Variants in SRGAP3 observed in about 807,000 individuals in gnomAD.
The protein encoded by SRGAP3 is SLIT-ROBO Rho GTPase activating protein 3.
A neutral mutation model predicts 121.1 loss-of-function variants in SRGAP3; 39 were observed. The observed-to-expected ratio is 0.32, with a 90% CI of 0.25 to 0.42. The LOEUF (loss-of-function observed/expected upper bound fraction) is 0.42. Ranked by LOEUF, SRGAP3 falls within the 10% of genes least tolerant of loss-of-function variation. The pLI is 1.00. For synonymous variants in SRGAP3, 601 were observed against 570.0 expected (o/e 1.05, Z -0.77); for missense variants, 1,213 against 1,470.6 (o/e 0.82, Z 2.86).
chr3:9,099,997 C>T (rs1449928266), intron 3 of SRGAP3, among the ~76,000 whole-genome samples: 1 of 152,350 alleles, frequency 6.6e-6, no homozygotes, highest in South Asian at 2.1e-4. Flanking sequence ...ACTCAGCTAC[C>T]GCTAGCTGAT....
At chr3:9,315,634 T>C (rs771863148) in intron 3 of SRGAP3, among the ~76,000 whole-genome samples, 8 of 152,336 alleles carry the variant, frequency 5.3e-5, no homozygotes, top group African/African-American at 1.9e-4. Flanking sequence ...TAGTCCTTGA[T>C]GGAAGAATGT....
chr3:9,090,686 G>C (rs1376357139), intron 3 of SRGAP3, among the ~76,000 whole-genome samples: 2 of 152,132 alleles, frequency 1.3e-5, no homozygotes, highest in East Asian at 3.8e-4. Flanking sequence ...ACCCAGGCTG[G>C]AGTGCAGTGG....
At chr3:9,094,682 G>A (rs1292287542) in intron 3 of SRGAP3, among the ~76,000 whole-genome samples, 1 of 152,082 alleles carries the variant, frequency 6.6e-6, no homozygotes, top group Non-Finnish European at 1.5e-5. Flanking sequence ...ATCTCATTTT[G>A]TTTTATTTTA....
At chr3:9,191,911 T>C (rs1951764373) in intron 1 of SRGAP3, among the ~76,000 whole-genome samples, 1 of 152,206 alleles carries the variant, frequency 6.6e-6, no homozygotes. Context: ...ACTCCTGTTT[T>C]TGCCATGTGA....
intron 1 of SRGAP3, among the ~76,000 whole-genome samples, chr3:9,240,143 CT>C (rs1953573563): frequency 6.6e-6 from 1 of 152,160 alleles, no homozygotes; most frequent in African/African-American, 2.4e-5. Flanking sequence ...CCCAACACCT[CT>C]TTACAACCAA....
At chr3:9,189,769 C>T (rs1407240200) in intron 1 of SRGAP3, among the ~76,000 whole-genome samples, 1 of 152,200 alleles carries the variant, frequency 6.6e-6, no homozygotes, top group Non-Finnish European at 1.5e-5. Flanking sequence ...CCACCCCTGT[C>T]ATTTTCACTG....
intron 3 of SRGAP3, among the ~76,000 whole-genome samples, chr3:9,261,903 A>T (rs1233737859): frequency 1.3e-5 from 2 of 151,390 alleles, no homozygotes; most frequent in Non-Finnish European, 2.9e-5. Flanking sequence ...AAAGACACAT[A>T]ATCCTCAGAT....
intron 15 of SRGAP3, among the ~76,000 whole-genome samples, chr3:9,015,295 C>T (rs1429376364): frequency 2.0e-5 from 3 of 152,136 alleles, no homozygotes; most frequent in African/African-American, 7.2e-5. Context: ...TCCCAGGATC[C>T]CCCGTGCTCA....
chr3:9,270,115 T>G (rs1954444137), intron 3 of SRGAP3, among the ~76,000 whole-genome samples: 1 of 152,180 alleles, frequency 6.6e-6, no homozygotes, highest in Admixed American at 6.5e-5. Flanking sequence ...GACTAGACTT[T>G]GAGAACCACT....
At chr3:9,050,650 A>T (rs1239066917) in intron 9 of SRGAP3, among the ~76,000 whole-genome samples, 1 of 152,242 alleles carries the variant, frequency 6.6e-6, no homozygotes, top group East Asian at 1.9e-4. Flanking sequence ...TAGATACTGG[A>T]GAATTCTCCT....
chr3:9,157,329 C>G lies in SRGAP3; in HGVS notation c.68-32412G>C, dbSNP rs140694579. Among the ~76,000 whole-genome samples, 1,363 of 152,264 alleles carry G rather than the reference C, an allele frequency of 9.0e-3. 8 individuals carry two copies. Among genetic ancestry groups the G allele is most frequent in the South Asian group, 0.029 (140 of 4,826 alleles). ...TCATGAGAACTCACTATCACAAGAA[C>G]AGCAAGGGGGAAATCCACCCCCATG... On this transcript the variant is annotated intron_variant, in intron 1 of 21. Transcript: ENST00000383836.
At chr3:9,157,364 C>T (rs1260347701) in intron 1 of SRGAP3, among the ~76,000 whole-genome samples, 1 of 152,148 alleles carries the variant, frequency 6.6e-6, no homozygotes, top group Non-Finnish European at 1.5e-5. Flanking sequence ...GATCCAATCA[C>T]CTCCCACCAG....
At chr3:9,182,615 T>C (rs1344348692) in intron 1 of SRGAP3, among the ~76,000 whole-genome samples, 10 of 152,196 alleles carry the variant, frequency 6.6e-5, no homozygotes, top group Non-Finnish European at 1.2e-4. Flanking sequence ...CCTGGGACAC[T>C]AATACAAATA....
Position 9,089,099 on chromosome 3 carries a change from A to C in SRGAP3, c.424-9012T>G, listed in dbSNP as rs574036322. Among the ~76,000 whole-genome samples the C allele has an allele frequency of 1.3e-3, 195 of 152,190 alleles. 1 individual carries two copies. Among genetic ancestry groups the C allele is most frequent in the African/African-American group, 4.5e-3 (186 of 41,526 alleles). On this transcript the variant is annotated intron_variant, in intron 3 of 21. Coordinates refer to ENST00000383836, the MANE Select transcript of SRGAP3 (RefSeq NM_014850.4). ...CAGTATATACCAGCCTAAACTAGGC[A>C]CTAACGACACAAAGCTGAATGAGAC...
At chr3:9,203,403 T>C (rs541551229) in intron 1 of SRGAP3, among the ~76,000 whole-genome samples, 2 of 152,352 alleles carry the variant, frequency 1.3e-5, no homozygotes, top group East Asian at 3.9e-4. Context: ...GGGACAGTTA[T>C]CCTGAGAGTT....
chr3:9,294,210 A>G (rs933566761), intron 3 of SRGAP3, among the ~76,000 whole-genome samples: 4 of 152,236 alleles, frequency 2.6e-5, no homozygotes, highest in African/African-American at 7.2e-5. Flanking sequence ...GAATGAGATC[A>G]TGTCCTTTGC....
intron 1 of SRGAP3, among the ~76,000 whole-genome samples, chr3:9,189,954 T>A (rs1174643391): frequency 2.0e-5 from 3 of 152,262 alleles, no homozygotes; most frequent in African/African-American, 7.2e-5. Flanking sequence ...GCTTACTATG[T>A]GCCAAGTACT....
intron 3 of SRGAP3, among the ~76,000 whole-genome samples, chr3:9,286,874 TTA>T (rs1954785141): frequency 6.6e-6 from 1 of 150,992 alleles, no homozygotes; most frequent in East Asian, 1.9e-4. Context: ...AGTGCTGGGA[TTA>T]CAGGCGTGAG....
chr3:9,290,184 A>G (rs190809652), intron 3 of SRGAP3, among the ~76,000 whole-genome samples: 161 of 152,214 alleles, frequency 1.1e-3, no homozygotes, highest in Non-Finnish European at 1.5e-3. Context: ...GGCCCTGCTT[A>G]CCTTTCTTCA....
Sources: allele counts gnomAD v4.1 joint callset (sites outside exome capture counted in the v4.1 genomes callset), GRCh38; gene constraint gnomAD v4.1.1; transcripts MANE v1.5; gene names NCBI Gene and HGNC (gene_info 2026-07-23, HGNC 2026-07-21).